The following STAMBPL1 variants were observed in gnomAD, a reference collection of about 807,000 sequenced individuals.
The protein encoded by STAMBPL1 is AMSH-like protease.
STAMBPL1 carries 44 observed loss-of-function variants against 52.9 expected under a neutral mutation model. That is an observed-to-expected ratio of 0.83 (90% CI 0.65 to 1.07). The LOEUF (loss-of-function observed/expected upper bound fraction) is 1.07, where lower values mean the gene tolerates loss of function less well. Ranked by LOEUF, STAMBPL1 falls within the 50% of genes least tolerant of loss-of-function variation. The pLI, the probability that STAMBPL1 is intolerant of heterozygous loss-of-function variation, is 0.00. For missense variants in STAMBPL1, 511 were observed against 520.8 expected, an observed-to-expected ratio of 0.98 and a Z score of 0.18; for synonymous variants, 164 against 177.3, an observed-to-expected ratio of 0.92 and a Z score of 0.60.
At chr10:88,881,253 T>A (rs1184612349) in intron 1 of STAMBPL1, among the ~76,000 whole-genome samples, 2 of 152,164 alleles carry the variant, frequency 1.3e-5, no homozygotes, top group Non-Finnish European at 2.9e-5. Flanking sequence ...CATATTTTTT[T>A]CAGAACTTTC....
intron 1 of STAMBPL1, among the ~76,000 whole-genome samples, chr10:88,883,270 G>A (rs1163268021): frequency 6.6e-6 from 1 of 151,900 alleles, no homozygotes; most frequent in Non-Finnish European, 1.5e-5. Flanking sequence ...TCATCAAATT[G>A]AATCCCAGTT....
chr10:88,900,658 G>A (rs1438713020), intron 1 of STAMBPL1, among the ~76,000 whole-genome samples: 1 of 152,132 alleles, frequency 6.6e-6, no homozygotes, highest in African/African-American at 2.4e-5. Flanking sequence ...TGCACAGAAA[G>A]GCTATATAAC....
At chr10:88,896,091 C>A (rs748789879) in intron 1 of STAMBPL1, among the ~76,000 whole-genome samples, 10 of 152,052 alleles carry the variant, frequency 6.6e-5, no homozygotes, top group Non-Finnish European at 1.0e-4. Flanking sequence ...ATAGTACTTA[C>A]AAATATAGGG....
chr10:88,905,998 G>C (rs1170130141), intron 3 of STAMBPL1, among the ~76,000 whole-genome samples: 1 of 152,084 alleles, frequency 6.6e-6, no homozygotes, highest in Non-Finnish European at 1.5e-5. Flanking sequence ...GAAGCTTTAT[G>C]AGAGCAGGAA....
intron 4 of STAMBPL1, among the ~76,000 whole-genome samples, chr10:88,909,533 A>G (rs1201084615): frequency 1.3e-5 from 2 of 152,212 alleles, no homozygotes; most frequent in African/African-American, 2.4e-5. Context: ...AGGCTTTCCT[A>G]TGAGTATTTT....
At chr10:88,884,307 A>T (rs907349274) in intron 1 of STAMBPL1, among the ~76,000 whole-genome samples, 2 of 152,210 alleles carry the variant, frequency 1.3e-5, no homozygotes, top group African/African-American at 4.8e-5. Flanking sequence ...TAAGCACTTG[A>T]ACAGAAGTGA....
At chr10:88,880,863 T>C (rs1458953541) in intron 1 of STAMBPL1, among the ~76,000 whole-genome samples, 1 of 152,150 alleles carries the variant, frequency 6.6e-6, no homozygotes, top group African/African-American at 2.4e-5. Context: ...TATGCGCCCC[T>C]CCGCTGGGCC....
chr10:88,916,822 G>A lies in STAMBPL1; in HGVS notation c.1041+5G>A, dbSNP rs753438832. On this transcript the variant is annotated splice_donor_5th_base_variant and intron_variant, in intron 8 of 10. Coordinates refer to ENST00000371926, the MANE Select transcript of STAMBPL1 (RefSeq NM_020799.4). ...CTCACTCTAGGATGGATCCATGTAC[G>A]TTTGACCTTTTGGGTTTCAGTTTTT... 1.1e-5 allele frequency: 17 copies of A among 1,552,034 alleles called. No individual in the cohort carries two copies. The highest frequency in any genetic ancestry group is 1.4e-5 in the Non-Finnish European group (16 of 1,148,682).
At chr10:88,918,367 G>A (rs984421200) in intron 8 of STAMBPL1, among the ~76,000 whole-genome samples, 1 of 151,888 alleles carries the variant, frequency 6.6e-6, no homozygotes, top group Non-Finnish European at 1.5e-5. Flanking sequence ...GAGGGTACAG[G>A]AGACTTTAGT....
intron 9 of STAMBPL1, 102 bp downstream of exon 9, chr10:88,921,497 C>A: frequency 1.1e-6 from 1 of 871,964 alleles, no homozygotes; most frequent in Non-Finnish European, 1.9e-6. Flanking sequence ...TTGGCAAGCA[C>A]ACAACGCCCT....
intron 1 of STAMBPL1, among the ~76,000 whole-genome samples, chr10:88,890,541 T>C (rs1448222221): frequency 6.6e-6 from 1 of 152,094 alleles, no homozygotes; most frequent in Non-Finnish European, 1.5e-5. Flanking sequence ...AGGTGATAGA[T>C]TGGATGTGGG....
intron 10 of STAMBPL1, 138 bp downstream of exon 10, chr10:88,922,574 AATCT>A (rs1845542403): frequency 2.9e-6 from 2 of 685,752 alleles, no homozygotes; most frequent in East Asian, 2.7e-5. Context: ...TCAGAAAATT[AATCT>A]ATCTGTATAC....
chr10:88,922,023 T>C (rs1305883644), intron 9 of STAMBPL1, among the ~76,000 whole-genome samples: 1 of 152,210 alleles, frequency 6.6e-6, no homozygotes, highest in African/African-American at 2.4e-5. Context: ...AGATTCGAAA[T>C]ATCTGCCACT....
At chr10:88,916,027 G>A (rs547026913) in intron 7 of STAMBPL1, among the ~76,000 whole-genome samples, 1 of 152,090 alleles carries the variant, frequency 6.6e-6, no homozygotes, top group Admixed American at 6.6e-5. Flanking sequence ...TGAGGATCCC[G>A]TGGCACTTCA....
At chr10:88,898,341 T>C (rs928858824) in intron 1 of STAMBPL1, among the ~76,000 whole-genome samples, 1 of 152,198 alleles carries the variant, frequency 6.6e-6, no homozygotes, top group Non-Finnish European at 1.5e-5. Flanking sequence ...AGTAATATTA[T>C]GAAAGTAATA....
intron 1 of STAMBPL1, among the ~76,000 whole-genome samples, chr10:88,885,610 C>T (rs1306503804): frequency 6.6e-6 from 1 of 152,192 alleles, no homozygotes; most frequent in Non-Finnish European, 1.5e-5. Flanking sequence ...TCCATACTCC[C>T]AGAGTCTCAG....
intron 2 of STAMBPL1, among the ~76,000 whole-genome samples, chr10:88,903,695 G>A (rs56228317): frequency 0.095 from 14,409 of 152,206 alleles, 908 homozygotes; most frequent in Non-Finnish European, 0.14. Flanking sequence ...AGCCGAGTGT[G>A]GTTAGGGAAA....
At chr10:88,897,930 G>A (rs1844852437) in intron 1 of STAMBPL1, among the ~76,000 whole-genome samples, 2 of 152,210 alleles carry the variant, frequency 1.3e-5, no homozygotes, top group Admixed American at 1.3e-4. Flanking sequence ...TGTACCCTCA[G>A]TTCAAATTTT....
intron 2 of STAMBPL1, 34 bp from the exon 3 acceptor site, chr10:88,905,409 A>T (rs1401322393): frequency 6.6e-7 from 1 of 1,525,640 alleles, no homozygotes; most frequent in East Asian, 2.3e-5. Context: ...ACTATAATCA[A>T]CAGTTAATCA....
Sources: allele counts gnomAD v4.1 joint callset (sites outside exome capture counted in the v4.1 genomes callset), GRCh38; gene constraint gnomAD v4.1.1; transcripts MANE v1.5; gene names NCBI Gene and HGNC (gene_info 2026-07-23, HGNC 2026-07-21).